PRH1: variants seen among roughly 807,000 people sequenced by gnomAD.
PRH1 encodes the protein proline rich protein HaeIII subfamily 1, also known as salivary acidic proline-rich phosphoprotein 1/2.
Under a neutral mutation model 7.9 loss-of-function variants are expected in PRH1, and 7 were observed. The ratio of observed to expected loss-of-function variants is 0.89; its 90% CI spans 0.50 to 1.67. PRH1 has a LOEUF of 1.67. Among genes scored for constraint, PRH1 ranks in the 40% most tolerant of loss-of-function variants. The pLI is 0.00. For missense variants in PRH1, 109 were observed against 223.6 expected (o/e 0.49, Z 3.27); for synonymous variants, 45 against 80.8 (o/e 0.56, Z 2.38).
At chr12:10,923,555 T>C (rs926312022) in intron 2 of PRH1, among the ~76,000 whole-genome samples, 13 of 152,372 alleles carry the variant, frequency 8.5e-5, no homozygotes, top group Admixed American at 7.2e-4. Flanking sequence ...AAACAAGCAA[T>C]TGAATATATG....
intron 2 of PRH1, among the ~76,000 whole-genome samples, chr12:10,963,577 T>A (rs990790549): frequency 1.3e-5 from 2 of 152,194 alleles, no homozygotes; most frequent in Non-Finnish European, 2.9e-5. Flanking sequence ...ATATTTGGTA[T>A]CCGATCTCAA....
chr12:11,104,162 TAAGATCCAAATGA>T (rs1945338566), intron 1 of PRH1, among the ~76,000 whole-genome samples: 1 of 66,690 alleles, frequency 1.5e-5, no homozygotes, highest in African/African-American at 5.9e-5. Flanking sequence ...TTCGCACAGA[TAAGATCCAAATGA>T]AAGAGTAAAA....
chr12:11,021,838 A>G (rs138364937), intron 1 of PRH1: 18 of 1,614,272 alleles, frequency 1.1e-5, no homozygotes, highest in Admixed American at 3.3e-5. Flanking sequence ...TGATGTGATT[A>G]TACACAGAAA....
Position 11,084,177 on chromosome 12 carries a change from C to T in PRH1, n.124-36989G>A, listed in dbSNP as rs76485242. 5.6e-5 allele frequency among the ~76,000 whole-genome samples: 6 copies of T among 106,320 alleles called. 1 individual carries two copies. Among genetic ancestry groups the T allele is most frequent in the African/African-American group, 2.2e-4 (6 of 27,836 alleles). 69.8% of individuals were successfully genotyped at this position (106,320 alleles called of 152,430 possible). On this transcript the variant is annotated intron_variant and non_coding_transcript_variant, in intron 1 of 4. Coordinates refer to the PRH1 transcript ENST00000541977. ...TAAAAACTCCTTCCCTCCTTTGTTCCGTGGGCTCTTGGGATTGTAACGGGC... is the reference window on the plus strand; with the variant it reads ...TAAAAACTCCTTCCCTCCTTTGTTCTGTGGGCTCTTGGGATTGTAACGGGC...
intron 1 of PRH1, among the ~76,000 whole-genome samples, chr12:11,040,098 G>A (rs1376195813): frequency 6.6e-6 from 1 of 152,096 alleles, no homozygotes; most frequent in African/African-American, 2.4e-5. Context: ...TGGGTGACTT[G>A]AAAAACACAT....
upstream of PRH1, among the ~76,000 whole-genome samples, chr12:10,887,926 T>C (rs913448223): frequency 3.9e-5 from 6 of 152,228 alleles, no homozygotes; most frequent in Non-Finnish European, 8.8e-5. Flanking sequence ...GCGCTTATTT[T>C]AGAACAAGGC....
At chr12:11,165,805 TG>T (rs1398533888) in intron 1 of PRH1, among the ~76,000 whole-genome samples, 1 of 152,220 alleles carries the variant, frequency 6.6e-6, no homozygotes, top group Non-Finnish European at 1.5e-5. Context: ...ACTTGTGTTT[TG>T]GGGAAGACTG....
chr12:11,098,526 T>C (rs972460506), intron 1 of PRH1, among the ~76,000 whole-genome samples: 1 of 152,224 alleles, frequency 6.6e-6, no homozygotes, highest in Admixed American at 6.5e-5. Context: ...CAATTTTTCT[T>C]TGTGTAACCT....
chr12:10,919,725 T>C (rs555543386), intron 2 of PRH1, among the ~76,000 whole-genome samples: 115 of 152,116 alleles, frequency 7.6e-4, no homozygotes, highest in African/African-American at 2.6e-3. Context: ...CGGAGGTTCC[T>C]ATGTGATAAG....
chr12:10,972,308 CTA>C (rs763684840), intron 2 of PRH1, among the ~76,000 whole-genome samples: 1 of 152,134 alleles, frequency 6.6e-6, no homozygotes, highest in Non-Finnish European at 1.5e-5. Flanking sequence ...ACCTTAAACT[CTA>C]TGTGTACCTG....
chr12:10,992,861 C>T (rs1245510677), intron 1 of PRH1, among the ~76,000 whole-genome samples: 1 of 152,196 alleles, frequency 6.6e-6, no homozygotes, highest in Non-Finnish European at 1.5e-5. Context: ...TCTCACATTG[C>T]TTCCAGACCT....
intron 2 of PRH1, among the ~76,000 whole-genome samples, chr12:10,902,196 C>T (rs1222184621): frequency 3.9e-5 from 6 of 152,064 alleles, no homozygotes; most frequent in Admixed American, 2.0e-4. Context: ...AATTGAGAAA[C>T]TTACTTAAGG....
chr12:11,097,214 T>A, intron 1 of PRH1: 1 of 257,152 alleles, frequency 3.9e-6, no homozygotes, highest in Non-Finnish European at 8.5e-6. Flanking sequence ...CTGATATAAG[T>A]AGACTTTAAG....
intron 1 of PRH1, chr12:10,986,386 C>G: frequency 6.2e-7 from 1 of 1,614,040 alleles, no homozygotes; most frequent in Non-Finnish European, 8.5e-7. Flanking sequence ...ATGTTTCCTT[C>G]ATATTCTTCT....
chr12:10,937,338 C>A (rs1565483628), intron 2 of PRH1: 1 of 151,826 alleles, frequency 6.6e-6, no homozygotes, highest in Non-Finnish European at 1.5e-5. Flanking sequence ...CCACCATTAA[C>A]AAGTATCATT....
chr12:11,083,701 T>C (rs1944573277), intron 1 of PRH1, among the ~76,000 whole-genome samples: 1 of 152,298 alleles, frequency 6.6e-6, no homozygotes, highest in Admixed American at 6.5e-5. Flanking sequence ...GTTTCCTCCA[T>C]CCCTACCATC....
chr12:11,022,375 C>A, intron 1 of PRH1: 2 of 1,614,032 alleles, frequency 1.2e-6, no homozygotes, highest in Non-Finnish European at 1.7e-6. Context: ...AGTTGCATAC[C>A]AAAGGAATAA....
At chr12:11,169,877 A>G (rs2123006) in intron 1 of PRH1, among the ~76,000 whole-genome samples, 69,216 of 152,032 alleles carry the variant, frequency 0.46, 16,559 homozygotes, top group Non-Finnish European at 0.53. Flanking sequence ...CTAGCTGGGA[A>G]CACAAAATTA....
In PRH1 at chr12:11,056,303, T is replaced by C. The variant is rs185230470; in HGVS notation, n.124-9115A>G. Among the ~76,000 whole-genome samples the C allele has an allele frequency of 3.3e-5, 5 of 152,292 alleles. No homozygotes were observed. In the East Asian group the frequency reaches 9.6e-4, roughly 29 times the overall value. On this transcript the variant is annotated intron_variant and non_coding_transcript_variant, in intron 1 of 4. Coordinates refer to the PRH1 transcript ENST00000541977. ...CTCTGTGTATGAATAGTCAGTTGTA[T>C]TTTCCTCTATTTAATTCATTTTTGA...
Sources: allele counts gnomAD v4.1 joint callset (sites outside exome capture counted in the v4.1 genomes callset), GRCh38; gene constraint gnomAD v4.1.1; transcripts MANE v1.5; gene names NCBI Gene and HGNC (gene_info 2026-07-23, HGNC 2026-07-21).